Variants in AOC1 observed in about 807,000 individuals in gnomAD.
AOC1 encodes diamine oxidase [copper-containing].
Under a neutral mutation model 57.1 loss-of-function variants are expected in AOC1, and 58 were observed. The observed-to-expected ratio is 1.02, with a 90% CI of 0.82 to 1.26. AOC1 has a LOEUF of 1.26. AOC1 is among the 50% of genes most tolerant of loss of function. The probability of loss-of-function intolerance (pLI) is 0.00; values close to 1 mark genes in which losing one functional copy is unlikely to be tolerated. For missense variants in AOC1, 917 were observed against 1,005.3 expected, an observed-to-expected ratio of 0.91 and a Z score of 1.19; for synonymous variants, 401 against 423.4, an observed-to-expected ratio of 0.95 and a Z score of 0.65.
chr7:150,854,354 T>C (rs1799711674), intron 1 of AOC1, among the ~76,000 whole-genome samples: 2 of 152,170 alleles, frequency 1.3e-5, no homozygotes, highest in South Asian at 4.1e-4. Context: ...CAGATCAGCC[T>C]TTACCGTGGC....
In AOC1 at chr7:150,858,884, G is replaced by A; in HGVS notation, c.1692G>A (p.Gln564=). Residue 564 remains glutamine, a synonymous_variant, in exon 3 of 5, where the codon CAG becomes CAA. Transcript: ENST00000360937. The part of the protein sequence containing the change: ...LEQTQYSWER[Q]AAFRFKRKLP... Reference sequence around the variant, plus strand: ...AGACGCAGTACTCCTGGGAGCGCCAGGCGGCCTTCCGCTTCAAAAGGAAGC... The same window carrying A: ...AGACGCAGTACTCCTGGGAGCGCCAAGCGGCCTTCCGCTTCAAAAGGAAGC... The A allele has an allele frequency of 1.2e-6, 2 of 1,613,826 alleles. No homozygotes were observed. Among genetic ancestry groups the A allele is most frequent in the East Asian group, 4.5e-5 (2 of 44,878 alleles).
At chr7:150,859,207 G>T (rs1401515397) in intron 3 of AOC1, among the ~76,000 whole-genome samples, 159 bp downstream of exon 3, 1 of 151,994 alleles carries the variant, frequency 6.6e-6, no homozygotes, top group East Asian at 1.9e-4. Context: ...TGAACAATAT[G>T]GGGGGTAGGG....
In AOC1 at chr7:150,856,784, A is replaced by AC; in HGVS notation, c.316dup (p.Gln106ProfsTer74). 6.2e-7 allele frequency: 1 copy of AC among 1,614,120 alleles called. No individual in the cohort carries two copies. Among genetic ancestry groups the AC allele is most frequent in the Non-Finnish European group, 8.5e-7 (1 of 1,179,978 alleles). On this transcript the variant is annotated frameshift_variant, in exon 2 of 5. Coordinates refer to ENST00000360937, the MANE Select transcript of AOC1 (RefSeq NM_001091.4). LOFTEE classifies it high-confidence loss of function. This position sits in a 1 kb window ranked among gnomAD's most constrained non-coding sequence, Gnocchi z 5.2. ...GCCCGTGCCGTCATCTTCTTTGGTG[A>AC]CCAGGAGCATCCCAATGTCACCGAG...
chr7:150,853,756 C>T (rs1278373643), intron 1 of AOC1, among the ~76,000 whole-genome samples: 2 of 147,856 alleles, frequency 1.4e-5, no homozygotes, highest in African/African-American at 5.0e-5. Flanking sequence ...GGCCTGGTGG[C>T]TCATGCCTGT....
intron 3 of AOC1, chr7:150,859,904 C>T (rs10952294): frequency 0.37 from 56,881 of 153,538 alleles, 11,240 homozygotes; most frequent in East Asian, 0.5. Flanking sequence ...GTGTGCTGGG[C>T]GCAGGAGCTC....
chr7:150,861,062 A>C lies in AOC1; in HGVS notation c.2109A>C (p.Pro703=). 1.2e-6 allele frequency: 2 copies of C among 1,614,120 alleles called. No homozygotes were observed. The highest frequency in any genetic ancestry group is 1.7e-6 in the Non-Finnish European group (2 of 1,179,996). The change falls in exon 5 of 5, where the codon CCA becomes CCC. Residue 703 remains proline (P), a synonymous_variant. Coordinates refer to ENST00000360937, the MANE Select transcript of AOC1 (RefSeq NM_001091.4). This position sits in a 1 kb window ranked among gnomAD's most constrained non-coding sequence, Gnocchi z 4.5. ...GFLLRPFNFF[P]EDPSLASRDT... ...TGCTCCGGCCATTCAACTTCTTCCC[A>C]GAGGACCCCTCCCTGGCATCCAGAG...
Position 150,857,122 on chromosome 7 carries a change from G to T in AOC1, c.652G>T (p.Glu218Ter), listed in dbSNP as rs769046102. 5.0e-6 allele frequency: 8 copies of T among 1,613,994 alleles called. No individual in the cohort carries two copies. In the South Asian group the frequency reaches 8.8e-5, roughly 18 times the overall value. ...CTACTTTCTGCACCCCACTGGGCTG[G>T]AGCTCCTCGTGGATCATGGGAGCAC... is the stretch of plus-strand genomic sequence containing the variant. ...EGYFLHPTGL[E>*]LLVDHGSTDA... Residue 218 changes from glutamate to a stop codon, truncating the protein, a stop_gained, in exon 2 of 5, where the codon GAG (glutamate) becomes TAG (stop). Transcript: ENST00000360937. LOFTEE classifies it high-confidence loss of function. This position sits in a 1 kb window ranked among gnomAD's most constrained non-coding sequence, Gnocchi z 6.6.
chr7:150,852,461 T>TC (rs920312241), upstream of AOC1: 8 of 152,574 alleles, frequency 5.2e-5, no homozygotes, highest in African/African-American at 1.9e-4. This position sits in a 1 kb window ranked among gnomAD's most constrained non-coding sequence, Gnocchi z 4.6. Context: ...ACCTTGTCCC[T>TC]CCCTGCAGGG....
rs1470281459 is a variant in AOC1, at chr7:150,857,038, CG to C, written c.572del (p.Gly191ValfsTer17). ...RCLAFTDVAP[R>X]GVASGQRRSW... ...CCTGGCCTTCACCGATGTGGCCCCC[CG>C]GGGTGTGGCTTCTGGCCAGCGCCGC... On this transcript the variant is annotated frameshift_variant, in exon 2 of 5. Coordinates refer to ENST00000360937, the MANE Select transcript of AOC1 (RefSeq NM_001091.4). LOFTEE classifies it high-confidence loss of function. The surrounding 1 kb of genome is among the most constrained non-coding windows in gnomAD (Gnocchi z 6.6). The C allele has an allele frequency of 6.2e-7, 1 of 1,614,028 alleles. No homozygotes were observed.
Position 150,861,241 on chromosome 7 carries a change from A to C in AOC1, c.*32A>C. The C allele has an allele frequency of 6.5e-7, 1 of 1,536,850 alleles. No homozygotes were observed. Among genetic ancestry groups the C allele is most frequent in the Non-Finnish European group, 8.8e-7 (1 of 1,136,520 alleles). On this transcript the variant is annotated 3_prime_UTR_variant, in exon 5 of 5. Transcript: ENST00000360937. The surrounding 1 kb of genome is among the most constrained non-coding windows in gnomAD (Gnocchi z 4.5). ...CCCAGTTCCTCCCCCAGTTCCTCCC[A>C]GGAAGCCCAGGAGCCTCACTGGGGC... is the stretch of plus-strand genomic sequence containing the variant.
At chr7:150,860,905 T>G in intron 4 of AOC1, 38 bp from the exon 5 acceptor site, 1 of 1,593,370 alleles carries the variant, frequency 6.3e-7, no homozygotes, top group Non-Finnish European at 8.5e-7. Flanking sequence ...TGGTCAGTAC[T>G]CAGCCCTGCC....
chr7:150,860,547 A>C lies in AOC1; in HGVS notation c.1903A>C (p.Ser635Arg). The change falls in exon 4 of 5, where the codon AGC (serine) becomes CGC (arginine). Residue 635 changes from serine (S) to arginine (R), a missense_variant. Coordinates refer to ENST00000360937, the MANE Select transcript of AOC1 (RefSeq NM_001091.4). ...TKYRESELCS[S>R]SIYHQNDPWH... The stretch of plus-strand genomic sequence containing the variant: ...GTACCGGGAGTCGGAGCTGTGCAGC[A>C]GCAGCATCTACCACCAGAACGACCC... 6.2e-7 allele frequency: 1 copy of C among 1,614,074 alleles called. No individual in the cohort carries two copies. The highest frequency in any genetic ancestry group is 8.5e-7 in the Non-Finnish European group (1 of 1,179,940).
In AOC1 at chr7:150,854,201, T is replaced by G. The variant is rs540913590; in HGVS notation, c.-17+1643T>G. 4 of 151,462 alleles carry G rather than the reference T, an allele frequency of 2.6e-5. No homozygotes were observed. The South Asian group carries it at 8.5e-4, about 32-fold the overall frequency. The allele number at this position is 151,462 out of a possible 1,614,324, so 9.4% of individuals were successfully genotyped here. On this transcript the variant is annotated intron_variant, in intron 1 of 4. Coordinates refer to ENST00000360937, the MANE Select transcript of AOC1 (RefSeq NM_001091.4). ...TCCGAGAGCCCAAGATCATGTGGGT[T>G]CCAGGGTCTTCTGCCAGCACCAGAG...
chr7:150,855,407 A>G (rs10441176), intron 1 of AOC1, among the ~76,000 whole-genome samples: 9,646 of 152,228 alleles, frequency 0.063, 1,041 homozygotes, highest in African/African-American at 0.22. Context: ...ATGGGAAGAC[A>G]GAGCTGTGGC....
At position 150,858,977 on chromosome 7, in the gene AOC1, G is replaced by A; in HGVS notation, c.1785G>A (p.Leu595=). The change falls in exon 3 of 5, where the codon CTG becomes CTA. Residue 595 remains leucine, a synonymous_variant. Coordinates refer to ENST00000360937, the MANE Select transcript of AOC1 (RefSeq NM_001091.4). ...NPWGHKRTYR[L]QIHSMADQVL... ...GGGGCCACAAGCGCACGTACCGCCT[G>A]CAGATCCACTCCATGGCCGACCAGG... 3 of 1,605,904 alleles carry A rather than the reference G, an allele frequency of 1.9e-6. No homozygotes were observed. The highest frequency in any genetic ancestry group is 1.7e-5 in the Admixed American group (1 of 59,676).
rs572435011 is a variant in AOC1, at chr7:150,856,305, T to G, written c.-16-150T>G. The G allele has an allele frequency of 8.0e-5, 80 of 996,552 alleles. No homozygotes were observed. Among genetic ancestry groups the G allele is most frequent in the Non-Finnish European group, 1.0e-4 (73 of 698,882 alleles). 61.7% of individuals were successfully genotyped at this position (996,552 alleles called of 1,614,324 possible). Reference sequence around the variant, plus strand: ...GCCCGACGGCGCTGGGGACTATGCATGGGGCCCCAGCTGCCCCAGGACAGC... The same window carrying G: ...GCCCGACGGCGCTGGGGACTATGCAGGGGGCCCCAGCTGCCCCAGGACAGC... On this transcript the variant is annotated intron_variant, in intron 1 of 4. Transcript: ENST00000360937. The surrounding 1 kb of genome is among the most constrained non-coding windows in gnomAD (Gnocchi z 5.2).
chr7:150,858,022 G>T lies in AOC1; in HGVS notation c.1552G>T (p.Val518Leu). 1 of 1,527,438 alleles carries T rather than the reference G, an allele frequency of 6.5e-7. No homozygotes were observed. The highest frequency in any genetic ancestry group is 8.8e-7 in the Non-Finnish European group (1 of 1,142,412). 94.6% of individuals were successfully genotyped at this position (1,527,438 alleles called of 1,614,324 possible). A position where few individuals can be genotyped will look rare whatever the true frequency, so the allele number is the denominator to read the frequency against. Residue 518 changes from valine (V) to leucine (L), a missense_variant, in exon 2 of 5, where the codon GTA becomes TTA. Transcript: ENST00000360937. The stretch of plus-strand genomic sequence containing the variant: ...ACACACTCACTTGGTGCACTACCGC[G>T]TAGACCTGGATGTGGCAGGTAGGAC... ...NIHTHLVHYR[V>L]DLDVAGTKNS...
chr7:150,860,754 G>T, intron 4 of AOC1, 121 bp downstream of exon 4: 1 of 1,394,596 alleles, frequency 7.2e-7, no homozygotes, highest in South Asian at 1.3e-5. Flanking sequence ...GTCCCCAGTC[G>T]CAGGAGCTGT....
intron 1 of AOC1, among the ~76,000 whole-genome samples, chr7:150,853,531 T>C (rs1799679294): frequency 6.6e-6 from 1 of 151,672 alleles, no homozygotes; most frequent in Admixed American, 6.6e-5. Flanking sequence ...AGAAATCTAT[T>C]AAAGTCTATT....
Sources: gnomAD v4.1 joint callset for allele counts (sites outside exome capture counted in the v4.1 genomes callset) on GRCh38, gnomAD v4.1.1 for gene constraint, Gnocchi (gnomAD v3.1) non-coding constraint, MANE v1.5 for transcripts, NCBI Gene and HGNC (gene_info 2026-07-23, HGNC 2026-07-21) for gene names.